Variants in ULK4 observed in about 807,000 individuals in gnomAD.
The protein encoded by ULK4 is inactive serine/threonine-protein kinase ULK4.
Under a neutral mutation model 160.6 loss-of-function variants are expected in ULK4, and 133 were observed. The ratio of observed to expected loss-of-function variants is 0.83; its 90% confidence interval spans 0.72 to 0.96. ULK4 has a LOEUF of 0.96. Ranked by LOEUF, ULK4 falls within the 40% of genes least tolerant of loss-of-function variation. The pLI is 0.00. For synonymous variants in ULK4, 534 were observed against 539.8 expected, an observed-to-expected ratio of 0.99 and a Z score of 0.15; for missense variants, 1,580 against 1,499.5, an observed-to-expected ratio of 1.05 and a Z score of -0.89.
chr3:41,291,008 G>A (rs1324078509), intron 35 of ULK4, among the ~76,000 whole-genome samples: 1 of 152,180 alleles, frequency 6.6e-6, no homozygotes, highest in Non-Finnish European at 1.5e-5. Context: ...ATGGCTTCTA[G>A]GCCTCCTCCT....
intron 31 of ULK4, among the ~76,000 whole-genome samples, chr3:41,574,806 A>C (rs763635808): frequency 1.3e-5 from 2 of 152,048 alleles, no homozygotes; most frequent in African/African-American, 2.4e-5. Flanking sequence ...TTGGCCTCCC[A>C]AAGTGCTGGG....
chr3:41,674,956 T>C (rs1346687371), intron 29 of ULK4, among the ~76,000 whole-genome samples: 1 of 152,182 alleles, frequency 6.6e-6, no homozygotes, highest in African/African-American at 2.4e-5. Context: ...AAAGGGTTTC[T>C]AGCAGCCGGG....
At chr3:41,687,265 C>G (rs1354067279) in intron 27 of ULK4, among the ~76,000 whole-genome samples, 1 of 151,534 alleles carries the variant, frequency 6.6e-6, no homozygotes, top group Non-Finnish European at 1.5e-5. Flanking sequence ...CCCAGCTACT[C>G]AGGAGGCTGA....
intron 15 of ULK4, 68 bp downstream of exon 15, chr3:41,896,754 T>C (rs1030890517): frequency 4.7e-6 from 7 of 1,475,638 alleles, no homozygotes; most frequent in Non-Finnish European, 6.3e-6. Context: ...AAATTGTTAT[T>C]TTAGCACTTG....
chr3:41,400,731 T>C (rs937403044), intron 34 of ULK4, among the ~76,000 whole-genome samples: 2 of 152,184 alleles, frequency 1.3e-5, no homozygotes, highest in Non-Finnish European at 2.9e-5. Flanking sequence ...CATATTTAGT[T>C]TTTTAAGAAA....
At chr3:41,513,934 C>G (rs1017128502) in intron 32 of ULK4, among the ~76,000 whole-genome samples, 2 of 152,040 alleles carry the variant, frequency 1.3e-5, no homozygotes, top group Non-Finnish European at 2.9e-5. Context: ...TGTTACCAAG[C>G]ACCACCTGTT....
At chr3:41,517,249 T>C (rs918229485) in intron 32 of ULK4, among the ~76,000 whole-genome samples, 11 of 152,254 alleles carry the variant, frequency 7.2e-5, no homozygotes, top group Middle Eastern at 3.4e-3. Flanking sequence ...GCAGCAATGG[T>C]GCTATGATTT....
At chr3:41,836,840 T>C (rs1575800422) in intron 17 of ULK4, among the ~76,000 whole-genome samples, 1 of 152,126 alleles carries the variant, frequency 6.6e-6, no homozygotes. Context: ...ATACACTCAT[T>C]GCCAGAGTTC....
At chr3:41,831,532 T>TATATATATAGATATA (rs577123829) in intron 18 of ULK4, among the ~76,000 whole-genome samples, 1 of 125,894 alleles carries the variant, frequency 7.9e-6, no homozygotes, top group African/African-American at 4.5e-5. Flanking sequence ...TATATATATA[T>TATATATATAGATATA]TTTTTTTTCT....
intron 32 of ULK4, among the ~76,000 whole-genome samples, chr3:41,503,015 A>T (rs2085262392): frequency 6.6e-6 from 1 of 152,212 alleles, no homozygotes. Flanking sequence ...ACTATTGATA[A>T]ATTAGCCTAA....
intron 35 of ULK4, among the ~76,000 whole-genome samples, chr3:41,389,064 G>C (rs2081892124): frequency 6.6e-6 from 1 of 151,988 alleles, no homozygotes; most frequent in Non-Finnish European, 1.5e-5. Context: ...GCAGTGGTTT[G>C]TAGTTCTCCT....
intron 34 of ULK4, among the ~76,000 whole-genome samples, chr3:41,448,455 T>C (rs971559787): frequency 2.0e-5 from 3 of 152,192 alleles, no homozygotes; most frequent in African/African-American, 4.8e-5. Flanking sequence ...GAGAAAGTGC[T>C]AGAAACATAA....
At chr3:41,691,286 CA>C (rs1233344051) in intron 27 of ULK4, among the ~76,000 whole-genome samples, 4 of 152,036 alleles carry the variant, frequency 2.6e-5, no homozygotes, top group Admixed American at 2.0e-4. Context: ...AGGGAAGCAT[CA>C]GGGGGAAAGA....
intron 32 of ULK4, among the ~76,000 whole-genome samples, chr3:41,528,367 T>A (rs905242005): frequency 1.3e-5 from 2 of 152,222 alleles, no homozygotes; most frequent in Non-Finnish European, 2.9e-5. Context: ...CTTGAATTCA[T>A]CAATAGAAAT....
intron 35 of ULK4, among the ~76,000 whole-genome samples, chr3:41,334,029 C>G (rs2080501647): frequency 6.6e-6 from 1 of 152,088 alleles, no homozygotes; most frequent in Non-Finnish European, 1.5e-5. Context: ...GTTCACAGGA[C>G]AGGATAACTA....
intron 32 of ULK4, among the ~76,000 whole-genome samples, chr3:41,470,869 A>C (rs1420574632): frequency 6.6e-6 from 1 of 152,192 alleles, no homozygotes; most frequent in Non-Finnish European, 1.5e-5. Flanking sequence ...AAAGATTCAA[A>C]GCATATCACT....
intron 34 of ULK4, among the ~76,000 whole-genome samples, chr3:41,430,034 G>A (rs1159579445): frequency 6.6e-6 from 1 of 152,058 alleles, no homozygotes; most frequent in Non-Finnish European, 1.5e-5. Context: ...CCTTTCTGAA[G>A]AGCTCATACT....
At chr3:41,401,181 T>G (rs1020368477) in intron 34 of ULK4, among the ~76,000 whole-genome samples, 1 of 152,246 alleles carries the variant, frequency 6.6e-6, no homozygotes, top group Non-Finnish European at 1.5e-5. Context: ...AATCGTGCTG[T>G]GGTGGCAAGA....
chr3:41,438,479 G>A lies in ULK4; in HGVS notation c.3492+17018C>T, dbSNP rs887996865. Among the ~76,000 whole-genome samples the A allele has an allele frequency of 2.5e-4, 38 of 152,114 alleles. 1 individual carries two copies. Among genetic ancestry groups the A allele is most frequent in the Non-Finnish European group, 1.6e-4 (11 of 68,036 alleles). On this transcript the variant is annotated intron_variant, in intron 34 of 36. Coordinates refer to ENST00000301831, the MANE Select transcript of ULK4 (RefSeq NM_017886.4). The stretch of plus-strand genomic sequence containing the variant: ...TTCCCCAGTAGAAACTATAATAATG[G>A]AAGCTTTAAAAAATACAGATAGTTA...
Sources: gnomAD v4.1 joint callset for allele counts (sites outside exome capture counted in the v4.1 genomes callset) on GRCh38, gnomAD v4.1.1 for gene constraint, MANE v1.5 for transcripts, NCBI Gene and HGNC (gene_info 2026-07-23, HGNC 2026-07-21) for gene names.